PTPRZ1: variants seen among roughly 807,000 people sequenced by gnomAD.
PTPRZ1 encodes the protein receptor-type tyrosine-protein phosphatase zeta.
A neutral mutation model predicts 214.1 loss-of-function variants in PTPRZ1; 82 were observed. That is an observed-to-expected ratio of 0.38 (90% CI 0.32 to 0.46). PTPRZ1 has a LOEUF of 0.46. Ranked by LOEUF, PTPRZ1 falls within the 20% of genes least tolerant of loss-of-function variation. The pLI, the probability that PTPRZ1 is intolerant of heterozygous loss-of-function variation, is 1.00. For synonymous variants in PTPRZ1, 945 were observed against 987.9 expected (o/e 0.96, Z 0.81); for missense variants, 2,603 against 2,748.7 (o/e 0.95, Z 1.19).
At chr7:122,004,794 G>A (rs955930441) in intron 11 of PTPRZ1, 134 bp downstream of exon 11, 1 of 523,756 alleles carries the variant, frequency 1.9e-6, no homozygotes, top group Non-Finnish European at 3.5e-6. Flanking sequence ...TAGTTGCTAA[G>A]CTTTATATAT....
chr7:122,026,574 T>C, intron 13 of PTPRZ1, among the ~76,000 whole-genome samples: 1 of 152,158 alleles, frequency 6.6e-6, no homozygotes. Context: ...ATGTCTCTCA[T>C]TCCTCATCAG....
intron 13 of PTPRZ1, among the ~76,000 whole-genome samples, chr7:122,023,555 ATATT>A (rs1799095092): frequency 8.2e-6 from 1 of 121,484 alleles, no homozygotes; most frequent in Non-Finnish European, 1.6e-5. Flanking sequence ...ATAATTATAT[ATATT>A]ATATGTATAA....
chr7:121,977,605 G>T (rs1797481366), intron 6 of PTPRZ1, among the ~76,000 whole-genome samples: 1 of 152,086 alleles, frequency 6.6e-6, no homozygotes, highest in African/African-American at 2.4e-5. Flanking sequence ...GAAAGCAGAA[G>T]CCTGGCCTAG....
chr7:121,980,157 G>A (rs758099852), intron 6 of PTPRZ1, among the ~76,000 whole-genome samples: 1 of 151,850 alleles, frequency 6.6e-6, no homozygotes, highest in East Asian at 1.9e-4. Flanking sequence ...TTTCCCTTCC[G>A]GGCCCCTGGC....
chr7:121,876,142 G>T (rs562710478), intron 1 of PTPRZ1, among the ~76,000 whole-genome samples: 3 of 152,278 alleles, frequency 2.0e-5, no homozygotes, highest in African/African-American at 7.2e-5. Flanking sequence ...GGACATAATA[G>T]ACCAACTGCT....
At chr7:121,933,894 CTT>C (rs1795998257) in intron 2 of PTPRZ1, among the ~76,000 whole-genome samples, 1 of 152,088 alleles carries the variant, frequency 6.6e-6, no homozygotes, top group Non-Finnish European at 1.5e-5. Flanking sequence ...ATATTTTCCT[CTT>C]TGATTCACCA....
intron 2 of PTPRZ1, among the ~76,000 whole-genome samples, chr7:121,956,100 A>G (rs753292566): frequency 6.6e-6 from 1 of 151,972 alleles, no homozygotes; most frequent in Non-Finnish European, 1.5e-5. Context: ...CTAGCTTTTT[A>G]TACATCCTAC....
In PTPRZ1 at chr7:121,968,649, A is replaced by T. The variant is rs559775488; in HGVS notation, c.304+519A>T. On this transcript the variant is annotated intron_variant, in intron 3 of 29. Transcript: ENST00000393386. The stretch of plus-strand genomic sequence containing the variant: ...TTGAGCCTATCTTTTTTTTTTTTTA[A>T]AAAAAAGCAAAATATAATACATTAA... 6.4e-3 allele frequency among the ~76,000 whole-genome samples: 484 copies of T among 75,126 alleles called. 2 individuals carry two copies. Among genetic ancestry groups the T allele is most frequent in the Admixed American group, 0.037 (236 of 6,388 alleles). The allele number at this position is 75,126 out of a possible 152,430, so 49.3% of individuals were successfully genotyped here.
chr7:122,020,603 T>C (rs1025953626), intron 13 of PTPRZ1, among the ~76,000 whole-genome samples: 8 of 152,196 alleles, frequency 5.3e-5, no homozygotes, highest in Admixed American at 5.2e-4. Context: ...GTATTAATAG[T>C]TGCATGTAGT....
intron 1 of PTPRZ1, among the ~76,000 whole-genome samples, chr7:121,914,935 T>C (rs191729442): frequency 1.2e-4 from 19 of 152,284 alleles, no homozygotes; most frequent in Non-Finnish European, 2.4e-4. Flanking sequence ...CAATTACTGC[T>C]AAGTTTCCCG....
At chr7:121,952,725 A>C (rs554397059) in intron 2 of PTPRZ1, among the ~76,000 whole-genome samples, 1 of 152,242 alleles carries the variant, frequency 6.6e-6, no homozygotes, top group Non-Finnish European at 1.5e-5. Flanking sequence ...ATTTTAGTTT[A>C]AAGCTTTTCT....
intron 1 of PTPRZ1, among the ~76,000 whole-genome samples, chr7:121,897,447 T>G (rs1166941482): frequency 2.0e-5 from 3 of 152,208 alleles, no homozygotes; most frequent in East Asian, 3.8e-4. Context: ...GTTCGAGGCT[T>G]TCTGCTGCCA....
In PTPRZ1 at chr7:122,032,473, G is replaced by A. The variant is rs73222691; in HGVS notation, c.5166+914G>A. ...CAGGAAGGCTGTCTTCAGCCTCCCC[G>A]CTGGCCATTCCCCACTAGAGAGCTT... On this transcript the variant is annotated intron_variant, in intron 15 of 29. Transcript: ENST00000393386. 7.8e-3 allele frequency among the ~76,000 whole-genome samples: 1,183 copies of A among 152,152 alleles called. 3 individuals are homozygous for A. The highest frequency in any genetic ancestry group is 0.012 in the Non-Finnish European group (850 of 68,002).
intron 23 of PTPRZ1, among the ~76,000 whole-genome samples, chr7:122,044,822 A>G (rs1799836714): frequency 6.6e-6 from 1 of 152,188 alleles, no homozygotes; most frequent in Non-Finnish European, 1.5e-5. Flanking sequence ...TGGTCGAGAA[A>G]AGAAGGGCAC....
intron 1 of PTPRZ1, among the ~76,000 whole-genome samples, chr7:121,905,677 A>ACACACACAC (rs368191821): frequency 6.6e-6 from 1 of 151,776 alleles, no homozygotes; most frequent in African/African-American, 2.4e-5. Flanking sequence ...ACACACACAC[A>ACACACACAC]AATGGTGGGC....
At chr7:121,973,940 GAAAAAAAAA>G (rs371692415) in intron 4 of PTPRZ1, among the ~76,000 whole-genome samples, 19 of 86,218 alleles carry the variant, frequency 2.2e-4, no homozygotes, top group African/African-American at 8.2e-4. Flanking sequence ...TCTCAAAAAA[GAAAAAAAAA>G]AAAAAAAAAA....
chr7:121,972,635 C>T lies in PTPRZ1; in HGVS notation c.399C>T (p.Cys133=). 1 of 1,613,330 alleles carries T rather than the reference C, an allele frequency of 6.2e-7. No individual in the cohort carries two copies. The highest frequency in any genetic ancestry group is 8.5e-7 in the Non-Finnish European group (1 of 1,179,650). ...AGATAACTTTTCACTGGGGAAAATG[C>T]AATATGTCATCTGATGGATCAGAGC... is the stretch of plus-strand genomic sequence containing the variant. ...ASKITFHWGK[C]NMSSDGSEHS... is the part of the protein sequence containing the mutation. Residue 133 remains cysteine (C), a synonymous_variant, in exon 4 of 30, where the codon TGC becomes TGT. Coordinates refer to ENST00000393386, the MANE Select transcript of PTPRZ1 (RefSeq NM_002851.3).
intron 2 of PTPRZ1, among the ~76,000 whole-genome samples, chr7:121,959,468 G>A (rs1344464946): frequency 6.6e-6 from 1 of 152,186 alleles, no homozygotes; most frequent in Non-Finnish European, 1.5e-5. Context: ...ACTGATTTGT[G>A]CATGGAAACA....
chr7:121,884,495 A>C lies in PTPRZ1; in HGVS notation c.58+10938A>C, dbSNP rs1076430. ...AAACATCATTATGTTTAATTGTAGCATATATTCTGGGTATTTTGAGCCTGA... is the reference window on the plus strand; with the variant it reads ...AAACATCATTATGTTTAATTGTAGCCTATATTCTGGGTATTTTGAGCCTGA... On this transcript the variant is annotated intron_variant, in intron 1 of 29. Transcript: ENST00000393386. Among the ~76,000 whole-genome samples the C allele has an allele frequency of 8.0e-3, 1,211 of 152,300 alleles. 13 individuals are homozygous for C. Among genetic ancestry groups the C allele is most frequent in the South Asian group, 0.032 (153 of 4,828 alleles).
Sources: gnomAD v4.1 joint callset for allele counts (sites outside exome capture counted in the v4.1 genomes callset) on GRCh38, gnomAD v4.1.1 for gene constraint, MANE v1.5 for transcripts, NCBI Gene and HGNC (gene_info 2026-07-23, HGNC 2026-07-21) for gene names.